Variants in TTLL5 observed in about 807,000 individuals in gnomAD.
TTLL5 encodes the protein tubulin tyrosine ligase like 5.
TTLL5 carries 132 observed loss-of-function variants against 168.4 expected under a neutral mutation model. The ratio of observed to expected loss-of-function variants is 0.78; its 90% confidence interval spans 0.68 to 0.91. The LOEUF (loss-of-function observed/expected upper bound fraction) is 0.91, where lower values mean the gene tolerates loss of function less well. Among genes scored for constraint, TTLL5 ranks in the 40% least tolerant of loss-of-function variants. The pLI is 0.00. For missense variants in TTLL5, 1,545 were observed against 1,581.5 expected, an observed-to-expected ratio of 0.98 and a Z score of 0.39; for synonymous variants, 546 against 558.6, an observed-to-expected ratio of 0.98 and a Z score of 0.32.
At chr14:75,810,003 TG>T (rs540874077) in intron 27 of TTLL5, among the ~76,000 whole-genome samples, 1 of 152,212 alleles carries the variant, frequency 6.6e-6, no homozygotes, top group Middle Eastern at 3.2e-3. Flanking sequence ...GCAGTGGGAT[TG>T]CTAGATCATA....
At chr14:75,775,027 CTT>C (rs539261075) in intron 21 of TTLL5, among the ~76,000 whole-genome samples, 5 of 141,174 alleles carry the variant, frequency 3.5e-5, no homozygotes, top group African/African-American at 1.0e-4. Context: ...GTGTTTCTAA[CTT>C]TTTTTTTTTT....
At chr14:75,708,507 AGT>A (rs1282648295) in intron 9 of TTLL5, among the ~76,000 whole-genome samples, 2 of 151,852 alleles carry the variant, frequency 1.3e-5, no homozygotes, top group Admixed American at 1.3e-4. Context: ...TTGTATTTTT[AGT>A]AGAGACGAGG....
At chr14:75,671,137 TC>T (rs1883707772) in intron 3 of TTLL5, among the ~76,000 whole-genome samples, 2 of 152,228 alleles carry the variant, frequency 1.3e-5, no homozygotes, top group South Asian at 4.1e-4. Flanking sequence ...TCCAGTTGTC[TC>T]AGCAAAATTA....
chr14:75,813,868 G>A (rs901631952), intron 27 of TTLL5, among the ~76,000 whole-genome samples: 1 of 148,882 alleles, frequency 6.7e-6, no homozygotes, highest in African/African-American at 2.5e-5. Context: ...ACTATCTCCT[G>A]TCTGTTTTCC....
chr14:75,683,461 A>G, intron 4 of TTLL5, 89 bp from the exon 5 acceptor site: 1 of 1,099,620 alleles, frequency 9.1e-7, no homozygotes, highest in Non-Finnish European at 1.4e-6. Flanking sequence ...GGATGAAAAA[A>G]TCACTGTGGC....
chr14:75,706,955 C>A, intron 7 of TTLL5, 63 bp from the exon 8 acceptor site: 4 of 1,400,782 alleles, frequency 2.9e-6, no homozygotes, highest in Non-Finnish European at 4.0e-6. Flanking sequence ...AACTTTGCTC[C>A]CTTATTGTAA....
At chr14:75,787,741 C>A (rs919846439) in intron 26 of TTLL5, among the ~76,000 whole-genome samples, 2 of 152,088 alleles carry the variant, frequency 1.3e-5, no homozygotes, top group African/African-American at 4.8e-5. Context: ...TCTGTCATAC[C>A]CTACATCATA....
chr14:75,686,311 C>T lies in TTLL5; in HGVS notation c.371+2655C>T, dbSNP rs556462314. Among the ~76,000 whole-genome samples, 61 of 152,210 alleles carry T rather than the reference C, an allele frequency of 4.0e-4. No homozygotes were observed. In the South Asian group the frequency reaches 0.012, roughly 29 times the overall value. Reference sequence around the variant, plus strand: ...CCTGGTTTTAAGGTGCTAATTGCCCCGATTTTCTTTATAACTTTGCCTCTT... The same window carrying T: ...CCTGGTTTTAAGGTGCTAATTGCCCTGATTTTCTTTATAACTTTGCCTCTT... On this transcript the variant is annotated intron_variant, in intron 5 of 31. Transcript: ENST00000298832.
chr14:75,732,632 A>G (rs1284335823), intron 13 of TTLL5, among the ~76,000 whole-genome samples: 2 of 152,174 alleles, frequency 1.3e-5, no homozygotes, highest in East Asian at 1.9e-4. Flanking sequence ...TCAATTTACA[A>G]TTATATCATT....
At chr14:75,950,129 T>G (rs2034914400) in intron 31 of TTLL5, among the ~76,000 whole-genome samples, 1 of 152,080 alleles carries the variant, frequency 6.6e-6, no homozygotes, top group Non-Finnish European at 1.5e-5. Context: ...GGTCTATATA[T>G]AGGAAATAAC....
chr14:75,751,796 CAAGA>C (rs1031938110), intron 17 of TTLL5, among the ~76,000 whole-genome samples: 10 of 152,148 alleles, frequency 6.6e-5, no homozygotes, highest in African/African-American at 1.9e-4. Flanking sequence ...GGATCTTATA[CAAGA>C]AAGAATTCTG....
intron 13 of TTLL5, 29 bp from the exon 14 acceptor site, chr14:75,733,960 A>G (rs1888724131): frequency 1.2e-6 from 2 of 1,611,850 alleles, no homozygotes; most frequent in Non-Finnish European, 1.7e-6. Context: ...ACACTTATCA[A>G]TTGCTCTTTT....
intron 1 of TTLL5, among the ~76,000 whole-genome samples, chr14:75,662,702 C>A (rs903607583): frequency 5.9e-5 from 9 of 152,156 alleles, no homozygotes; most frequent in Admixed American, 6.5e-5. Flanking sequence ...GTTTGTCTAG[C>A]AAGGAATATA....
At chr14:75,874,208 C>T (rs2031276657) in intron 29 of TTLL5, among the ~76,000 whole-genome samples, 1 of 152,208 alleles carries the variant, frequency 6.6e-6, no homozygotes, top group Non-Finnish European at 1.5e-5. Context: ...TCTCCTGCCT[C>T]AGCCTCCTGA....
intron 27 of TTLL5, among the ~76,000 whole-genome samples, chr14:75,800,019 A>G (rs1893199203): frequency 6.6e-6 from 1 of 152,222 alleles, no homozygotes; most frequent in Non-Finnish European, 1.5e-5. Flanking sequence ...GATCTTTGGC[A>G]AGGCCAGGGA....
At chr14:75,694,191 C>T (rs916977982) in intron 6 of TTLL5, among the ~76,000 whole-genome samples, 1 of 152,184 alleles carries the variant, frequency 6.6e-6, no homozygotes, top group Admixed American at 6.5e-5. Context: ...GCTTCCTACC[C>T]ACACATTTAG....
At chr14:75,745,046 A>G in intron 15 of TTLL5, 49 bp from the exon 16 acceptor site, 1 of 1,504,022 alleles carries the variant, frequency 6.6e-7, no homozygotes, top group Non-Finnish European at 9.1e-7. Context: ...ATGAGGAGTA[A>G]TGAAAACTTA....
chr14:75,749,394 A>G (rs1338996628), intron 17 of TTLL5, among the ~76,000 whole-genome samples: 1 of 152,202 alleles, frequency 6.6e-6, no homozygotes, highest in Non-Finnish European at 1.5e-5. Context: ...ACTAAAATAG[A>G]TAGAAACCAA....
intron 15 of TTLL5, among the ~76,000 whole-genome samples, chr14:75,744,199 A>T (rs1889454602): frequency 6.6e-6 from 1 of 152,170 alleles, no homozygotes; most frequent in South Asian, 2.1e-4. Context: ...GACAATTTGC[A>T]CCCATGTGGG....
Sources: gnomAD v4.1 joint callset for allele counts (sites outside exome capture counted in the v4.1 genomes callset) on GRCh38, gnomAD v4.1.1 for gene constraint, MANE v1.5 for transcripts, NCBI Gene and HGNC (gene_info 2026-07-23, HGNC 2026-07-21) for gene names.